TULP4: variants seen among roughly 807,000 people sequenced by gnomAD.
The protein encoded by TULP4 is tubby-related protein 4.
TULP4 carries 16 observed loss-of-function variants against 129.0 expected under a neutral mutation model. That is an observed-to-expected ratio of 0.12 (90% CI 0.08 to 0.19). TULP4 has a LOEUF of 0.19. TULP4 is among the 10% of genes least tolerant of loss of function. The pLI is 1.00. For missense variants in TULP4, 1,842 were observed against 2,059.1 expected, an observed-to-expected ratio of 0.89 and a Z score of 2.04; for synonymous variants, 998 against 854.0, an observed-to-expected ratio of 1.17 and a Z score of -2.94.
At chr6:158,378,200 A>G (rs1291493851) in intron 1 of TULP4, among the ~76,000 whole-genome samples, 2 of 152,150 alleles carry the variant, frequency 1.3e-5, no homozygotes, top group African/African-American at 4.8e-5. Context: ...CCGTTGGCCA[A>G]AGTCACAGGA....
rs548193845 is a variant in TULP4, at chr6:158,508,910, C to T, written c.*2216C>T. On this transcript the variant is annotated 3_prime_UTR_variant, in exon 14 of 14. Coordinates refer to ENST00000367097, the MANE Select transcript of TULP4 (RefSeq NM_020245.5). ...TTTTTTTTTTTTTTTTTTTTTGAGA[C>T]GGAGTCCCACTCTTGTCGCCCAACT... The T allele has an allele frequency of 9.6e-5, 8 of 83,350 alleles. No homozygotes were observed. The highest frequency in any genetic ancestry group is 7.5e-4 in the East Asian group (2 of 2,654). The allele number at this position is 83,350 out of a possible 1,614,324, so 5.2% of individuals were successfully genotyped here.
intron 8 of TULP4, among the ~76,000 whole-genome samples, chr6:158,483,929 T>TG (rs1172474928): frequency 2.0e-5 from 3 of 151,746 alleles, no homozygotes; most frequent in Non-Finnish European, 4.4e-5. Context: ...AGTAGTTTTT[T>TG]TTTTTTTCAG....
At chr6:158,489,758 T>C (rs1780156580) in intron 9 of TULP4, 26 bp downstream of exon 9, 1 of 1,613,660 alleles carries the variant, frequency 6.2e-7, no homozygotes, top group Non-Finnish European at 8.5e-7. Context: ...GGGGAGATCG[T>C]CCTTTCTTGT....
chr6:158,416,329 G>A (rs1368936122), intron 2 of TULP4, among the ~76,000 whole-genome samples: 2 of 152,144 alleles, frequency 1.3e-5, no homozygotes, highest in East Asian at 1.9e-4. Flanking sequence ...CAGTATTAAC[G>A]ATCACACCCC....
chr6:158,481,398 G>A (rs1779942376), intron 8 of TULP4, 109 bp downstream of exon 8: 2 of 997,190 alleles, frequency 2.0e-6, no homozygotes, highest in Non-Finnish European at 1.6e-6. Flanking sequence ...GTGAGCCTGT[G>A]GGGGCTAGTG....
intron 1 of TULP4, among the ~76,000 whole-genome samples, chr6:158,386,537 A>G (rs766422425): frequency 9.2e-5 from 14 of 152,164 alleles, no homozygotes; most frequent in Non-Finnish European, 1.3e-4. Context: ...ACTCCTTACT[A>G]TATATCTATT....
At chr6:158,266,367 A>C (rs4710174) in intron 1 of TULP4, among the ~76,000 whole-genome samples, 50,809 of 152,038 alleles carry the variant, frequency 0.33, 9,514 homozygotes, top group Admixed American at 0.45. Flanking sequence ...AGCGAATCTC[A>C]TGCCTCAGCC....
chr6:158,406,623 A>G (rs1777982802), intron 1 of TULP4, among the ~76,000 whole-genome samples: 1 of 152,202 alleles, frequency 6.6e-6, no homozygotes, highest in Non-Finnish European at 1.5e-5. Flanking sequence ...GGTTTCCTCC[A>G]GACCGTAATT....
chr6:158,303,480 A>G (rs1779162957), intron 1 of TULP4, among the ~76,000 whole-genome samples: 1 of 152,192 alleles, frequency 6.6e-6, no homozygotes, highest in South Asian at 2.1e-4. Flanking sequence ...TAAAAAGCGT[A>G]ACTACTAATA....
intron 3 of TULP4, chr6:158,438,188 AC>A (rs1359489415): frequency 6.6e-6 from 1 of 152,244 alleles, no homozygotes; most frequent in African/African-American, 2.4e-5. Context: ...TAAGGAATCC[AC>A]ATATTTTACA....
rs75337465 is a variant in TULP4, at chr6:158,481,607, C to T, written c.1486+318C>T. ...CTCTTCACAGTTACCGAGTATTCAT[C>T]GAGTGCCTTCATGTAATATTGAGAC... On this transcript the variant is annotated intron_variant, in intron 8 of 13. Coordinates refer to ENST00000367097, the MANE Select transcript of TULP4 (RefSeq NM_020245.5). The T allele has an allele frequency of 4.7e-3, 1,846 of 390,198 alleles. 32 individuals carry two copies. Among genetic ancestry groups the T allele is most frequent in the African/African-American group, 0.034 (1,707 of 49,842 alleles). The allele number at this position is 390,198 out of a possible 1,614,324, so 24.2% of individuals were successfully genotyped here.
At chr6:158,312,166 CCTT>C (rs1779370491), upstream of TULP4, 2 of 398,232 alleles carry the variant, frequency 5.0e-6, no homozygotes, top group African/African-American at 4.1e-5. Context: ...GCATTTAAAA[CCTT>C]CTTTCTGTAC....
chr6:158,384,149 G>A (rs966157243), intron 1 of TULP4, among the ~76,000 whole-genome samples: 6 of 152,038 alleles, frequency 3.9e-5, no homozygotes, highest in Non-Finnish European at 8.8e-5. Context: ...ATAGCATCTC[G>A]AATATTCCAA....
intron 3 of TULP4, among the ~76,000 whole-genome samples, chr6:158,441,656 G>C (rs1019689895): frequency 2.0e-5 from 3 of 152,178 alleles, no homozygotes; most frequent in South Asian, 2.1e-4. Context: ...CAGGACAAAG[G>C]CTCGCTCCTT....
At chr6:158,488,039 G>A (rs1233710559) in intron 8 of TULP4, among the ~76,000 whole-genome samples, 1 of 152,190 alleles carries the variant, frequency 6.6e-6, no homozygotes. Flanking sequence ...GCTGAGGCAG[G>A]AGGATCACTT....
At chr6:158,480,849 G>C (rs1486681145) in intron 7 of TULP4, among the ~76,000 whole-genome samples, 1 of 152,110 alleles carries the variant, frequency 6.6e-6, no homozygotes, top group Non-Finnish European at 1.5e-5. Context: ...GATATGCTTC[G>C]AAAGCTTGCA....
chr6:158,233,109 G>A (rs1332727568), intron 1 of TULP4, among the ~76,000 whole-genome samples: 1 of 152,238 alleles, frequency 6.6e-6, no homozygotes, highest in African/African-American at 2.4e-5. Context: ...GGAAGGTGAG[G>A]GTGGTCTGGC....
chr6:158,245,416 G>T (rs996342583), intron 1 of TULP4, among the ~76,000 whole-genome samples: 4 of 151,848 alleles, frequency 2.6e-5, no homozygotes, highest in Middle Eastern at 3.2e-3. Flanking sequence ...GCATCTCCTG[G>T]TGTGGAAAGG....
At chr6:158,432,882 A>C (rs777027105) in intron 3 of TULP4, among the ~76,000 whole-genome samples, 10 of 152,200 alleles carry the variant, frequency 6.6e-5, no homozygotes, top group Non-Finnish European at 1.5e-4. Context: ...CTTGTTTTTG[A>C]AAGTAAGTGG....
Sources: gnomAD v4.1 joint callset for allele counts (sites outside exome capture counted in the v4.1 genomes callset) on GRCh38, gnomAD v4.1.1 for gene constraint, MANE v1.5 for transcripts, NCBI Gene and HGNC (gene_info 2026-07-23, HGNC 2026-07-21) for gene names.